Variants in SIN3A observed in about 807,000 individuals in gnomAD.
The protein encoded by SIN3A is paired amphipathic helix protein Sin3a.
Under a neutral mutation model 146.1 loss-of-function variants are expected in SIN3A, and 14 were observed. The ratio of observed to expected loss-of-function variants is 0.10; its 90% CI spans 0.06 to 0.15. The LOEUF is 0.15. Ranked by LOEUF, SIN3A falls within the 10% of genes least tolerant of loss-of-function variation. The pLI, the probability that SIN3A is intolerant of heterozygous loss-of-function variation, is 1.00. For missense variants in SIN3A, 1,028 were observed against 1,576.0 expected (o/e 0.65, Z 5.89); for synonymous variants, 572 against 572.0 (o/e 1.00, Z 0.00).
rs1186348264 is a variant in SIN3A at position 75,411,487 on chromosome 15, C to T, written c.1008+5G>A. The T allele has an allele frequency of 6.2e-7, 1 of 1,611,992 alleles. No homozygotes were observed. Among genetic ancestry groups the T allele is most frequent in the African/African-American group, 1.3e-5 (1 of 74,904 alleles). The stretch of plus-strand genomic sequence containing the variant: ...GTTAAGACAGGCTGAATGGGCACTC[C>T]TTACCTGATATGTGTGCAAAATCTC... On this transcript the variant is annotated splice_donor_5th_base_variant and intron_variant, in intron 6 of 20. Coordinates refer to ENST00000394947, the MANE Select transcript of SIN3A (RefSeq NM_001145358.2).
In SIN3A at chr15:75,413,020, G is replaced by A. The variant is rs1294780529; in HGVS notation, c.499C>T (p.Arg167Cys). The change falls in exon 5 of 21, where the codon CGT (arginine) becomes TGT (cysteine). Residue 167 changes from arginine to cysteine, a missense_variant. Transcript: ENST00000394947. ...TGGCCTTTGAATAGCTGGGACACAC[G>A]ACTAATCACTCCTGGGGTGTCGATG... is the stretch of plus-strand genomic sequence containing the variant. ...QSIDTPGVIS[R>C]VSQLFKGHPD... is the part of the protein sequence containing the mutation. 2 of 1,613,688 alleles carry A rather than the reference G, an allele frequency of 1.2e-6. No homozygotes were observed. The highest frequency in any genetic ancestry group is 1.7e-5 in the Admixed American group (1 of 59,952).
At chr15:75,381,430 C>T (rs1158067325) in intron 18 of SIN3A, among the ~76,000 whole-genome samples, 183 bp downstream of exon 18, 1 of 152,172 alleles carries the variant, frequency 6.6e-6, no homozygotes, top group African/African-American at 2.4e-5. Context: ...ACATCTATAA[C>T]CAGGCAGCCC....
At chr15:75,418,120 C>G (rs903977930) in intron 3 of SIN3A, among the ~76,000 whole-genome samples, 2 of 152,100 alleles carry the variant, frequency 1.3e-5, no homozygotes, top group African/African-American at 4.8e-5. Flanking sequence ...CAACCTCCGC[C>G]TCCCGGGTTC....
chr15:75,425,969 A>G (rs1326497592), intron 2 of SIN3A, among the ~76,000 whole-genome samples: 1 of 152,244 alleles, frequency 6.6e-6, no homozygotes, highest in Non-Finnish European at 1.5e-5. Context: ...TATTAAGAGT[A>G]AAAAGAAACT....
At chr15:75,431,392 G>A (rs2074012163) in intron 1 of SIN3A, among the ~76,000 whole-genome samples, 1 of 152,078 alleles carries the variant, frequency 6.6e-6, no homozygotes, top group East Asian at 1.9e-4. Flanking sequence ...TTTCATTCCT[G>A]CAGGACACAG....
chr15:75,397,415 T>C (rs1302658396), intron 12 of SIN3A, among the ~76,000 whole-genome samples: 2 of 152,162 alleles, frequency 1.3e-5, no homozygotes, highest in Non-Finnish European at 2.9e-5. Context: ...GTAGAAGTAA[T>C]GTTTATTACT....
At chr15:75,440,149 T>A (rs2074180132) in intron 1 of SIN3A, among the ~76,000 whole-genome samples, 1 of 151,496 alleles carries the variant, frequency 6.6e-6, no homozygotes, top group Non-Finnish European at 1.5e-5. Flanking sequence ...AGACTCCCTC[T>A]CAAAAATAAA....
rs1329905263 is a variant in SIN3A at position 75,404,766 on chromosome 15, AAT to A, written c.1407+2287_1407+2288del. 3.1e-5 allele frequency among the ~76,000 whole-genome samples: 3 copies of A among 95,564 alleles called. 1 individual carries two copies. Among genetic ancestry groups the A allele is most frequent in the East Asian group, 4.8e-4 (2 of 4,188 alleles). The allele number at this position is 95,564 out of a possible 152,430, so 62.7% of individuals were successfully genotyped here. ...TGGAGTGAGACTGTCCCAGAAAAAA[AAT>A]AAAAAAAAAACAAAAAAACAAAAAC... On this transcript the variant is annotated intron_variant, in intron 9 of 20. Coordinates refer to ENST00000394947, the MANE Select transcript of SIN3A (RefSeq NM_001145358.2).
upstream of SIN3A, among the ~76,000 whole-genome samples, chr15:75,454,162 GA>G (rs75219778): frequency 5.3e-5 from 8 of 150,594 alleles, no homozygotes; most frequent in Admixed American, 2.0e-4. Context: ...CTCCCTCCGC[GA>G]AAAAAAAATC....
At position 75,386,070 on chromosome 15, in the gene SIN3A, G is replaced by T. The variant is rs377191562; in HGVS notation, c.3022-1633C>A. Among the ~76,000 whole-genome samples, 44 of 152,328 alleles carry T rather than the reference G, an allele frequency of 2.9e-4. No individual in the cohort carries two copies. In the East Asian group the frequency reaches 7.1e-3, roughly 25 times the overall value. The stretch of plus-strand genomic sequence containing the variant: ...GAGTCTCGCTCTGTCGCCCAGGCTG[G>T]AGTGCAGTGGCATCGTGATCTTGGC... On this transcript the variant is annotated intron_variant, in intron 16 of 20. Transcript: ENST00000394947.
intron 9 of SIN3A, among the ~76,000 whole-genome samples, chr15:75,402,970 A>G (rs767700633): frequency 1.3e-5 from 2 of 152,148 alleles, no homozygotes; most frequent in Non-Finnish European, 2.9e-5. Context: ...GAAACTTACT[A>G]AAATATGTAT....
intron 20 of SIN3A, among the ~76,000 whole-genome samples, chr15:75,373,773 G>A (rs1028079993): frequency 3.6e-4 from 54 of 148,780 alleles, no homozygotes; most frequent in Admixed American, 4.7e-4. Context: ...AAAAAAGAAA[G>A]AAAAAAAGAA....
At chr15:75,451,715 C>T (rs1378763037), upstream of SIN3A, 1 of 152,226 alleles carries the variant, frequency 6.6e-6, no homozygotes, top group Non-Finnish European at 1.5e-5. Flanking sequence ...GCCCACTCCC[C>T]CGACCCCGCC....
At chr15:75,392,143 G>A in intron 15 of SIN3A, 99 bp downstream of exon 15, 1 of 1,035,550 alleles carries the variant, frequency 9.7e-7, no homozygotes, top group East Asian at 2.4e-5. Context: ...AGACTCTAAT[G>A]CCTGTGCTCT....
In SIN3A at chr15:75,412,868, C is replaced by T. The variant is rs750217224; in HGVS notation, c.651G>A (p.Gln217=). The T allele has an allele frequency of 1.2e-6, 2 of 1,613,396 alleles. No individual in the cohort carries two copies. Among genetic ancestry groups the T allele is most frequent in the East Asian group, 4.5e-5 (2 of 44,798 alleles). ...GTTGGGGTGGTGGTTGAGGCTGTGG[C>T]TGGATGCCATGGGTGGGAATCTGAT... ...QVHQIPTHGI[Q]PQPQPPPQHP... is the part of the protein sequence containing the mutation. The change falls in exon 5 of 21, where the codon CAG becomes CAA. Residue 217 remains glutamine, a synonymous_variant. Transcript: ENST00000394947.
chr15:75,385,524 C>T (rs375957041), intron 16 of SIN3A, among the ~76,000 whole-genome samples: 1 of 152,180 alleles, frequency 6.6e-6, no homozygotes, highest in Non-Finnish European at 1.5e-5. Context: ...TCATGTCATG[C>T]TATTTCTATT....
intron 2 of SIN3A, among the ~76,000 whole-genome samples, chr15:75,428,311 G>A (rs2073960934): frequency 6.6e-6 from 1 of 151,996 alleles, no homozygotes. Context: ...GAATAACACG[G>A]GTTTTTGTTT....
At chr15:75,447,536 C>G (rs2074329549) in intron 1 of SIN3A, 1 of 152,156 alleles carries the variant, frequency 6.6e-6, no homozygotes, top group Non-Finnish European at 1.5e-5. Context: ...ACTGTATCAT[C>G]TCTCTCTCCC....
chr15:75,428,762 T>C lies in SIN3A; in HGVS notation c.189+1425A>G, dbSNP rs1347479930. ...TCCTCATGCTTCCAACTTCGCCAAC[T>C]GTTGGGATTATGGGTGCGAGCCACT... is the stretch of plus-strand genomic sequence containing the variant. On this transcript the variant is annotated intron_variant, in intron 2 of 20. Transcript: ENST00000394947. Among the ~76,000 whole-genome samples the C allele has an allele frequency of 1.3e-5, 2 of 152,116 alleles. 1 individual carries two copies. The highest frequency in any genetic ancestry group is 6.3e-3 in the Middle Eastern group (2 of 316).
Sources: gnomAD v4.1 joint callset for allele counts (sites outside exome capture counted in the v4.1 genomes callset) on GRCh38, gnomAD v4.1.1 for gene constraint, MANE v1.5 for transcripts, NCBI Gene and HGNC (gene_info 2026-07-23, HGNC 2026-07-21) for gene names.